The following KIAA1671 variants were observed in gnomAD, a reference collection of about 807,000 sequenced individuals.
KIAA1671 encodes the protein KIAA1671.
In KIAA1671, 52 loss-of-function variants were observed where a neutral mutation model predicts 131.2. That is an observed-to-expected ratio of 0.40 (90% CI 0.32 to 0.50). The LOEUF (loss-of-function observed/expected upper bound fraction) is 0.50. Among genes scored for constraint, KIAA1671 ranks in the 20% least tolerant of loss-of-function variants. The probability of loss-of-function intolerance (pLI) is 0.73; values close to 1 mark genes in which losing one functional copy is unlikely to be tolerated. For synonymous variants in KIAA1671, 1,003 were observed against 961.6 expected (o/e 1.04, Z -0.80); for missense variants, 2,360 against 2,364.2 (o/e 1.00, Z 0.04).
At chr22:25,151,785 C>A (rs1933054672) in intron 6 of KIAA1671, among the ~76,000 whole-genome samples, 1 of 151,940 alleles carries the variant, frequency 6.6e-6, no homozygotes, top group African/African-American at 2.4e-5. Flanking sequence ...GTTGCCCGGG[C>A]AGGAGTGTGG....
chr22:25,190,410 A>G (rs951072614), intron 11 of KIAA1671, among the ~76,000 whole-genome samples: 1 of 152,174 alleles, frequency 6.6e-6, no homozygotes, highest in Admixed American at 6.5e-5. Flanking sequence ...CTCGCCCACC[A>G]CTCACCACCT....
chr22:24,993,573 T>G (rs969840827), intron 1 of KIAA1671, among the ~76,000 whole-genome samples: 2 of 152,184 alleles, frequency 1.3e-5, no homozygotes, highest in Admixed American at 1.3e-4. Flanking sequence ...ACAAACCCTG[T>G]TCCCATCACC....
chr22:25,093,830 C>CTCTCTCTCTCTCTCTCTT (rs1930246490), intron 6 of KIAA1671, among the ~76,000 whole-genome samples: 1 of 80,338 alleles, frequency 1.2e-5, no homozygotes, highest in Non-Finnish European at 2.4e-5. Context: ...CTCTTTCTCT[C>CTCTCTCTCTCTCTCTCTT]TCTGTCTGTC....
intron 6 of KIAA1671, among the ~76,000 whole-genome samples, chr22:25,108,006 T>C (rs1931116259): frequency 1.3e-5 from 2 of 151,924 alleles, no homozygotes; most frequent in East Asian, 3.9e-4. Flanking sequence ...AGACTTTGTC[T>C]CAAAAAAAAA....
At chr22:25,017,634 T>G (rs1186554246) in intron 1 of KIAA1671, among the ~76,000 whole-genome samples, 1 of 152,214 alleles carries the variant, frequency 6.6e-6, no homozygotes, top group Non-Finnish European at 1.5e-5. Flanking sequence ...GTAAATTTTA[T>G]GTTATGTGAT....
chr22:24,987,719 G>A (rs979896375), intron 1 of KIAA1671, among the ~76,000 whole-genome samples: 5 of 152,190 alleles, frequency 3.3e-5, no homozygotes, highest in Non-Finnish European at 7.3e-5. Flanking sequence ...AACCTCCAGA[G>A]TAGCAGGGAT....
At chr22:25,061,776 T>C (rs1011195223) in intron 6 of KIAA1671, 1 of 151,930 alleles carries the variant, frequency 6.6e-6, no homozygotes, top group African/African-American at 2.4e-5. Flanking sequence ...CAGCTCCTGG[T>C]AGGGCTTAAT....
chr22:25,181,944 G>A (rs984092848), intron 10 of KIAA1671, 121 bp downstream of exon 10: 64 of 1,069,066 alleles, frequency 6.0e-5, no homozygotes, highest in South Asian at 5.1e-4. Context: ...TTGGGAGGCC[G>A]AGTTGGGCGG....
At chr22:25,130,656 A>G (rs1395676619) in intron 6 of KIAA1671, among the ~76,000 whole-genome samples, 1 of 152,046 alleles carries the variant, frequency 6.6e-6, no homozygotes, top group Admixed American at 6.5e-5. Context: ...GTAAACATCT[A>G]GATGAGTTCT....
intron 1 of KIAA1671, among the ~76,000 whole-genome samples, chr22:24,965,240 C>A (rs1329058989): frequency 2.0e-5 from 3 of 151,850 alleles, no homozygotes; most frequent in South Asian, 4.2e-4. Context: ...TGTGGTGAAA[C>A]CCTGTCTCTA....
intron 6 of KIAA1671, among the ~76,000 whole-genome samples, chr22:25,106,877 C>T (rs11704075): frequency 0.21 from 31,212 of 152,160 alleles, 4,060 homozygotes; most frequent in Non-Finnish European, 0.28. Context: ...TAGGTTCTTA[C>T]ACCTTTTCAT....
Position 25,028,571 on chromosome 22 carries a change from G to A in KIAA1671, c.572G>A (p.Gly191Glu), listed in dbSNP as rs1384786280. Residue 191 changes from glycine to glutamate, a missense_variant, in exon 3 of 13, where the codon GGG (glycine) becomes GAG (glutamate). Physicochemically the swap from Gly to Glu is moderately conservative, Grantham distance 98. Around this residue, in one of 3 missense-constraint regions of KIAA1671, gnomAD observed 1,185 missense variants for 1,126.2 expected, o/e 1.05. Transcript: ENST00000358431. ...KPALPTQKPA[G>E]TLPRSAPLSQ... ...GCCCTGCCCACCCAGAAGCCTGCGG[G>A]GACCCTTCCCCGGTCAGCTCCCCTG... 27 of 1,550,376 alleles carry A rather than the reference G, an allele frequency of 1.7e-5. No homozygotes were observed. The highest frequency in any genetic ancestry group is 2.3e-5 in the Non-Finnish European group (26 of 1,146,600).
At chr22:25,164,978 C>CGTGTGTGTGTGTGT (rs59765745) in intron 6 of KIAA1671, among the ~76,000 whole-genome samples, 100 of 116,606 alleles carry the variant, frequency 8.6e-4, no homozygotes, top group Middle Eastern at 4.5e-3. Flanking sequence ...GAGTTGCAGG[C>CGTGTGTGTGTGTGT]GTGTGTGTGT....
At chr22:25,016,223 A>G (rs150595542) in intron 1 of KIAA1671, among the ~76,000 whole-genome samples, 2 of 151,906 alleles carry the variant, frequency 1.3e-5, no homozygotes, top group Non-Finnish European at 2.9e-5. Context: ...GTTTCATCAT[A>G]TTGGCCAGGA....
At chr22:25,179,849 T>C (rs1421818830) in intron 9 of KIAA1671, among the ~76,000 whole-genome samples, 4 of 152,252 alleles carry the variant, frequency 2.6e-5, no homozygotes, top group African/African-American at 7.2e-5. Context: ...AGTCCATATA[T>C]TATCAATCTT....
At chr22:25,056,558 C>A (rs1483817848) in intron 6 of KIAA1671, 1 of 148,912 alleles carries the variant, frequency 6.7e-6, no homozygotes, top group Non-Finnish European at 1.5e-5. Context: ...GTGGCTCACT[C>A]CTGTAATCCC....
Position 25,032,694 on chromosome 22 carries a change from A to G in KIAA1671, c.1627A>G (p.Lys543Glu). ...CGAGTTTCCTAAGGAACCGAGAGAA[A>G]AGGTAAGGAGTGGCTGTGTAGCACG... is the stretch of plus-strand genomic sequence containing the variant. ...SGEFPKEPREKQKEGHSLDGA... is the reference protein window; with the variant it reads ...SGEFPKEPREEQKEGHSLDGA... Residue 543 changes from lysine (K) to glutamate (E), a missense_variant and splice_region_variant, in exon 4 of 13, where the codon AAG becomes GAG. By Grantham distance (56) the Lys-to-Glu change is moderately conservative. Around this residue, in one of 3 missense-constraint regions of KIAA1671, gnomAD observed 1,185 missense variants for 1,126.2 expected, o/e 1.05. Coordinates refer to ENST00000358431, the MANE Select transcript of KIAA1671 (RefSeq NM_001145206.2). The G allele has an allele frequency of 6.5e-7, 1 of 1,543,178 alleles. No homozygotes were observed. The highest frequency in any genetic ancestry group is 8.8e-7 in the Non-Finnish European group (1 of 1,140,032).
chr22:24,977,990 G>A (rs1923002636), intron 1 of KIAA1671, among the ~76,000 whole-genome samples: 1 of 152,106 alleles, frequency 6.6e-6, no homozygotes, highest in Non-Finnish European at 1.5e-5. Context: ...AAATGATCAT[G>A]GCCACCACCA....
At chr22:25,057,649 T>A (rs2145831056) in intron 6 of KIAA1671, 1 of 151,678 alleles carries the variant, frequency 6.6e-6, no homozygotes, top group Non-Finnish European at 1.5e-5. Context: ...GGGCATTTTT[T>A]TTTTTTTTTT....
Sources: allele counts gnomAD v4.1 joint callset (sites outside exome capture counted in the v4.1 genomes callset), GRCh38; gene constraint gnomAD v4.1.1; regional missense constraint gnomAD v4.1.1; transcripts MANE v1.5; gene names NCBI Gene and HGNC (gene_info 2026-07-23, HGNC 2026-07-21).